Variants in PYY observed in about 807,000 individuals in gnomAD.
PYY encodes peptide YY, also known as peptide tyrosine tyrosine.
Under a neutral mutation model 10.3 loss-of-function variants are expected in PYY, and 12 were observed. The observed-to-expected ratio is 1.17, with a 90% CI of 0.75 to 1.89. PYY has a LOEUF of 1.89. Ranked by LOEUF, PYY falls within the 40% of genes most tolerant of loss-of-function variation. The pLI, the probability that PYY is intolerant of heterozygous loss-of-function variation, is 0.00. For synonymous variants in PYY, 66 were observed against 62.0 expected, an observed-to-expected ratio of 1.06 and a Z score of -0.30; for missense variants, 141 against 134.0, an observed-to-expected ratio of 1.05 and a Z score of -0.26.
chr17:43,989,740 G>C (rs1490940812), intron 1 of PYY, among the ~76,000 whole-genome samples: 1 of 141,328 alleles, frequency 7.1e-6, no homozygotes, highest in African/African-American at 2.6e-5. Context: ...TCAGGAGTTT[G>C]AGGCTGCAGT....
At chr17:43,965,082 A>G (rs1220212725) in intron 2 of PYY, among the ~76,000 whole-genome samples, 3 of 152,228 alleles carry the variant, frequency 2.0e-5, no homozygotes, top group African/African-American at 7.2e-5. Context: ...TGTTGAAACC[A>G]ATAGCAATGA....
intron 1 of PYY, among the ~76,000 whole-genome samples, chr17:43,985,513 G>C (rs1567935120): frequency 6.6e-6 from 1 of 152,210 alleles, no homozygotes; most frequent in Non-Finnish European, 1.5e-5. Context: ...CAATGTCCAA[G>C]GCTGCCTGGG....
At chr17:43,974,247 G>A (rs117077745) in intron 1 of PYY, among the ~76,000 whole-genome samples, 1,967 of 151,828 alleles carry the variant, frequency 0.013, 17 homozygotes, top group Admixed American at 0.02. Flanking sequence ...TAACATTTGT[G>A]TCCCCGGATG....
At chr17:43,956,318 A>G (rs2048671599), upstream of PYY, among the ~76,000 whole-genome samples, 1 of 152,014 alleles carries the variant, frequency 6.6e-6, no homozygotes. Context: ...ATTACAGGGC[A>G]AGCTGATTGG....
intron 1 of PYY, among the ~76,000 whole-genome samples, chr17:43,980,521 C>T (rs1345773409): frequency 6.6e-6 from 1 of 151,700 alleles, no homozygotes; most frequent in Admixed American, 6.6e-5. Flanking sequence ...GTCACCCAGG[C>T]TGGAGCGTAG....
At chr17:43,979,199 G>C (rs1280728928) in intron 1 of PYY, among the ~76,000 whole-genome samples, 1 of 152,192 alleles carries the variant, frequency 6.6e-6, no homozygotes, top group Admixed American at 6.5e-5. Flanking sequence ...ATCACTTGGC[G>C]GCTAATTAGA....
chr17:43,975,135 G>A (rs1175748425), intron 1 of PYY, among the ~76,000 whole-genome samples: 1 of 152,074 alleles, frequency 6.6e-6, no homozygotes, highest in Admixed American at 6.6e-5. Flanking sequence ...GAGGAGTTGC[G>A]GCACTCCTAT....
intron 1 of PYY, among the ~76,000 whole-genome samples, chr17:43,979,869 G>A (rs989227221): frequency 1.3e-5 from 2 of 152,084 alleles, no homozygotes; most frequent in East Asian, 1.9e-4. Context: ...TTACCCAAAC[G>A]CTAGCTCCAT....
At chr17:43,973,997 G>A (rs982143133) in intron 1 of PYY, among the ~76,000 whole-genome samples, 3 of 152,032 alleles carry the variant, frequency 2.0e-5, no homozygotes, top group African/African-American at 4.8e-5. Context: ...ACAAGTGGCC[G>A]ACTCTGGAGC....
chr17:43,973,186 G>T (rs1256946826), intron 1 of PYY, among the ~76,000 whole-genome samples: 1 of 152,106 alleles, frequency 6.6e-6, no homozygotes, highest in African/African-American at 2.4e-5. Flanking sequence ...GCTTAGAACA[G>T]AACCTGAAAG....
chr17:43,988,539 G>T (rs1461914271), intron 1 of PYY, among the ~76,000 whole-genome samples: 1 of 152,038 alleles, frequency 6.6e-6, no homozygotes, highest in Non-Finnish European at 1.5e-5. Flanking sequence ...AGCACTCCAG[G>T]GCACTCAATC....
Position 43,984,280 on chromosome 17 carries a change from T to C in PYY, c.-462-17748A>G, listed in dbSNP as rs573167166. ...GCCGAACCCGGTGCCCTGTCGGTCC[T>C]GGCCTCCTTTTCCTTGTGGCCCTCT... On this transcript the variant is annotated intron_variant, in intron 1 of 6. Transcript: ENST00000360085. Among the ~76,000 whole-genome samples, 3 of 152,334 alleles carry C rather than the reference T, an allele frequency of 2.0e-5. No homozygotes were observed. The South Asian group carries it at 6.2e-4, about 32-fold the overall frequency.
At chr17:43,980,156 CTTTTTTTTTTTTT>C (rs569138857) in intron 1 of PYY, among the ~76,000 whole-genome samples, 1 of 100,618 alleles carries the variant, frequency 9.9e-6, no homozygotes, top group African/African-American at 3.7e-5. Context: ...TCCCCTCCAC[CTTTTTTTTTTTTT>C]TTTTTTTTTT....
At chr17:43,974,806 G>A (rs1227756904) in intron 1 of PYY, among the ~76,000 whole-genome samples, 1 of 152,186 alleles carries the variant, frequency 6.6e-6, no homozygotes, top group Non-Finnish European at 1.5e-5. Context: ...TGGTGCTGGT[G>A]AGGATTAGGA....
intron 1 of PYY, among the ~76,000 whole-genome samples, chr17:43,991,937 G>A (rs1177360206): frequency 2.6e-5 from 4 of 151,486 alleles, no homozygotes; most frequent in African/African-American, 9.7e-5. Context: ...TGACTAACAC[G>A]GTGAAACCCC....
At position 43,987,253 on chromosome 17, in the gene PYY, C is replaced by T. The variant is rs1016808760; in HGVS notation, c.-463+17138G>A. Among the ~76,000 whole-genome samples the T allele has an allele frequency of 2.6e-5, 4 of 152,164 alleles. No homozygotes were observed. The highest frequency in any genetic ancestry group is 1.9e-4 in the East Asian group (1 of 5,188). On this transcript the variant is annotated intron_variant, in intron 1 of 6. Transcript: ENST00000360085. The surrounding 1 kb of genome is among the most constrained non-coding windows in gnomAD (Gnocchi z 4.0). ...AGAAAATGGGGCTTCCCTCCCTCCC[C>T]GCCGCTGCTCTCTGACTTAATTACT...
chr17:43,977,216 C>T (rs1033105660), intron 1 of PYY, among the ~76,000 whole-genome samples: 9 of 152,166 alleles, frequency 5.9e-5, no homozygotes, highest in African/African-American at 2.2e-4. Flanking sequence ...GATGGCAATT[C>T]ATTTACCCAG....
intron 1 of PYY, among the ~76,000 whole-genome samples, chr17:43,993,078 C>T (rs908292184): frequency 6.6e-6 from 1 of 152,300 alleles, no homozygotes; most frequent in East Asian, 1.9e-4. Flanking sequence ...CTTCAGGAGG[C>T]CAAGGAGGGT....
At chr17:43,992,123 G>GT (rs1555619396) in intron 1 of PYY, among the ~76,000 whole-genome samples, 37 of 120,510 alleles carry the variant, frequency 3.1e-4, no homozygotes, top group African/African-American at 1.1e-3. Context: ...CTGTCTCAAA[G>GT]AAAAAAAAAA....
Sources: gnomAD v4.1 joint callset for allele counts (sites outside exome capture counted in the v4.1 genomes callset) on GRCh38, gnomAD v4.1.1 for gene constraint, Gnocchi (gnomAD v3.1) non-coding constraint, MANE v1.5 for transcripts, NCBI Gene and HGNC (gene_info 2026-07-23, HGNC 2026-07-21) for gene names.